CENPE: variants seen among roughly 807,000 people sequenced by gnomAD.
CENPE encodes centromere protein E.
A neutral mutation model predicts 336.1 loss-of-function variants in CENPE; 145 were observed. The ratio of observed to expected loss-of-function variants is 0.43; its 90% CI spans 0.38 to 0.50. The LOEUF (loss-of-function observed/expected upper bound fraction) is 0.50, where lower values mean the gene tolerates loss of function less well. CENPE is among the 20% of genes least tolerant of loss of function. The pLI is 0.00. For missense variants in CENPE, 2,719 were observed against 3,023.3 expected (o/e 0.90, Z 2.36); for synonymous variants, 1,013 against 984.8 (o/e 1.03, Z -0.54).
rs528315425 is a variant in CENPE at position 103,180,352 on chromosome 4, G to C, written c.1201C>G (p.Leu401Val). ...AACGTGAGGGAAGAAGAGGTCACCA[G>C]CATCCGTGTTAAGTTTTCAATTTTC... is the stretch of plus-strand genomic sequence containing the variant. ...NEKIENLTRM[L>V]VTSSSLTLQQ... The change falls in exon 13 of 49, where the codon CTG becomes GTG. Residue 401 changes from leucine (L) to valine (V), a missense_variant. Leu to Val is a conservative substitution (Grantham distance 32). Around this residue, in one of 5 missense-constraint regions of CENPE, gnomAD observed 117 missense variants for 215.8 expected, o/e 0.54. Coordinates refer to ENST00000265148, the MANE Select transcript of CENPE (RefSeq NM_001813.3). 1.9e-6 allele frequency: 3 copies of C among 1,612,922 alleles called. No individual in the cohort carries two copies. The highest frequency in any genetic ancestry group is 2.5e-6 in the Non-Finnish European group (3 of 1,179,384).
intron 16 of CENPE, among the ~76,000 whole-genome samples, chr4:103,170,525 C>T (rs569868396): frequency 1.3e-5 from 2 of 151,038 alleles, no homozygotes; most frequent in South Asian, 2.1e-4. Flanking sequence ...ATGGTAACCA[C>T]GAAGGAAAAA....
intron 6 of CENPE, 25 bp from the exon 7 acceptor site, chr4:103,194,466 CT>C: frequency 1.3e-6 from 2 of 1,532,846 alleles, no homozygotes; most frequent in Non-Finnish European, 1.8e-6. Flanking sequence ...TATATTTCAG[CT>C]GCATATATAA....
At chr4:103,128,042 A>AGAT (rs1751276685) in intron 42 of CENPE, among the ~76,000 whole-genome samples, 2 of 152,144 alleles carry the variant, frequency 1.3e-5, no homozygotes, top group African/African-American at 4.8e-5. Flanking sequence ...CATCTTCAAT[A>AGAT]TAAGGACACA....
chr4:103,109,218 C>A, intron 47 of CENPE, 129 bp from the exon 48 acceptor site: 1 of 760,774 alleles, frequency 1.3e-6, no homozygotes. Flanking sequence ...CATTTTATCA[C>A]ATTTACATTT....
chr4:103,163,781 C>A lies in CENPE; in HGVS notation c.1648-228G>T, dbSNP rs77065579. Among the ~76,000 whole-genome samples the A allele has an allele frequency of 0.075, 11,303 of 150,034 alleles. 581 individuals carry two copies. Among genetic ancestry groups the A allele is most frequent in the Admixed American group, 0.14 (2,081 of 15,048 alleles). Reference sequence around the variant, plus strand: ...AACATATCAAACAAATAAAAAAAAACCCCTCAGCATGACCCCACCAAGTAG... The same window carrying A: ...AACATATCAAACAAATAAAAAAAAAACCCTCAGCATGACCCCACCAAGTAG... On this transcript the variant is annotated intron_variant, in intron 16 of 48. Transcript: ENST00000265148.
chr4:103,185,930 G>A (rs1405622940), intron 8 of CENPE, 69 bp from the exon 9 acceptor site: 3 of 1,063,566 alleles, frequency 2.8e-6, no homozygotes, highest in East Asian at 4.8e-5. Flanking sequence ...ACTACTGAAA[G>A]AACATTTTTA....
At chr4:103,110,575 C>T (rs1368101577) in intron 47 of CENPE, among the ~76,000 whole-genome samples, 2 of 152,096 alleles carry the variant, frequency 1.3e-5, no homozygotes, top group Non-Finnish European at 1.5e-5. Flanking sequence ...TCAGCTGCCC[C>T]CTCAAAGGTC....
rs1466955985 is a variant in CENPE at position 103,144,680 on chromosome 4, G to A, written c.4858-62C>T. 2.6e-6 allele frequency: 3 copies of A among 1,138,920 alleles called. No homozygotes were observed. In the East Asian group the frequency reaches 7.2e-5, roughly 27 times the overall value. 70.6% of individuals were successfully genotyped at this position (1,138,920 alleles called of 1,614,324 possible). ...AATTTTTTTAGGAAAAGGAAGAACT[G>A]TTCCTAAAATAAGGCAATCATTTTT... On this transcript the variant is annotated intron_variant, in intron 32 of 48. Coordinates refer to ENST00000265148, the MANE Select transcript of CENPE (RefSeq NM_001813.3).
At position 103,147,599 on chromosome 4, in the gene CENPE, T is replaced by G. The variant is rs1188324918; in HGVS notation, c.3891A>C (p.Glu1297Asp). The change falls in exon 29 of 49, where the codon GAA becomes GAC. Residue 1297 changes from glutamate to aspartate, a missense_variant. Physicochemically the swap from Glu to Asp is conservative, Grantham distance 45. Around this residue, in one of 5 missense-constraint regions of CENPE, gnomAD observed 2,437 missense variants for 2,513.3 expected, o/e 0.97. Transcript: ENST00000265148. ...EEQELLPNVKEVSETQETMNE... is the reference protein window; with the variant it reads ...EEQELLPNVKDVSETQETMNE... ...TCATTGTTTCCTGAGTCTCACTGAC[T>G]TCTTTCACATTAGGCAGTAACTCTT... The G allele has an allele frequency of 6.2e-7, 1 of 1,613,502 alleles. No individual in the cohort carries two copies. The highest frequency in any genetic ancestry group is 1.3e-5 in the African/African-American group (1 of 74,924).
At chr4:103,157,881 A>G (rs147336734) in intron 24 of CENPE, among the ~76,000 whole-genome samples, 19 of 152,110 alleles carry the variant, frequency 1.2e-4, no homozygotes, top group African/African-American at 4.6e-4. Flanking sequence ...CTATAATAAA[A>G]ATGAGACATG....
Position 103,196,237 on chromosome 4 carries a change from C to G in CENPE, c.164G>C (p.Gly55Ala). 1 of 1,610,206 alleles carries G rather than the reference C, an allele frequency of 6.2e-7. No individual in the cohort carries two copies. The highest frequency in any genetic ancestry group is 2.2e-5 in the East Asian group (1 of 44,842). The part of the protein sequence containing the change: ...KSFNFDRVFH[G>A]NETTKNVYEE... ...ATACACATTTTTGGTAGTTTCATTA[C>G]CATGAAAGACACGATCTAAACAACA... Residue 55 changes from glycine to alanine, a missense_variant, in exon 3 of 49, where the codon GGT (glycine) becomes GCT (alanine). Physicochemically the swap from Gly to Ala is moderately conservative, Grantham distance 60. This residue lies in a region of CENPE where 106 missense variants were observed against 189.3 expected (regional missense o/e 0.56). Transcript: ENST00000265148.
intron 33 of CENPE, 116 bp downstream of exon 33, chr4:103,144,215 C>T: frequency 1.3e-6 from 1 of 799,158 alleles, no homozygotes; most frequent in African/African-American, 1.7e-5. Context: ...GGATTACCGG[C>T]TCGAGCCACC....
At chr4:103,133,931 T>A (rs1471538725) in intron 40 of CENPE, 39 bp from the exon 41 acceptor site, 1 of 1,345,222 alleles carries the variant, frequency 7.4e-7, no homozygotes, top group Non-Finnish European at 1.0e-6. Flanking sequence ...AAATGAAAAT[T>A]TTGTCACATG....
At chr4:103,166,908 CT>C (rs1754971823) in intron 16 of CENPE, among the ~76,000 whole-genome samples, 1 of 152,168 alleles carries the variant, frequency 6.6e-6, no homozygotes, top group Non-Finnish European at 1.5e-5. Context: ...TAATAACTCC[CT>C]TTAATCTTTT....
At chr4:103,182,730 C>A (rs765335770) in intron 11 of CENPE, 32 bp downstream of exon 11, 3 of 1,541,176 alleles carry the variant, frequency 1.9e-6, no homozygotes, top group South Asian at 2.6e-5. Context: ...TGATCTTCCC[C>A]TATATTAAGC....
intron 16 of CENPE, among the ~76,000 whole-genome samples, chr4:103,168,211 C>G (rs1304326251): frequency 1.3e-5 from 2 of 152,116 alleles, no homozygotes; most frequent in East Asian, 1.9e-4. Flanking sequence ...GGGGCCCTGT[C>G]TCAGCTTCAA....
intron 24 of CENPE, among the ~76,000 whole-genome samples, chr4:103,154,477 C>T (rs961457762): frequency 6.6e-6 from 1 of 152,024 alleles, no homozygotes; most frequent in Non-Finnish European, 1.5e-5. Context: ...TTAGCAACCC[C>T]CTTATTGTTG....
chr4:103,115,624 GCATCCTAA>G (rs1750026332), intron 45 of CENPE, among the ~76,000 whole-genome samples: 1 of 152,014 alleles, frequency 6.6e-6, no homozygotes, highest in Admixed American at 6.5e-5. Flanking sequence ...AAGCCAGGAA[GCATCCTAA>G]CAAATCCTCT....
intron 18 of CENPE, among the ~76,000 whole-genome samples, chr4:103,162,524 G>A (rs1323481720): frequency 6.6e-6 from 1 of 151,260 alleles, no homozygotes; most frequent in Non-Finnish European, 1.5e-5. Context: ...ACTACTGCAT[G>A]CATTTGTATA....
Sources: gnomAD v4.1 joint callset for allele counts (sites outside exome capture counted in the v4.1 genomes callset) on GRCh38, gnomAD v4.1.1 for gene constraint, gnomAD v4.1.1 regional missense constraint, MANE v1.5 for transcripts, NCBI Gene and HGNC (gene_info 2026-07-23, HGNC 2026-07-21) for gene names.